The following ANKRD42 variants were observed in gnomAD, a reference collection of about 807,000 sequenced individuals.
ANKRD42 encodes the protein ankyrin repeat domain 42.
Under a neutral mutation model 51.5 loss-of-function variants are expected in ANKRD42, and 43 were observed. The observed-to-expected ratio is 0.83, with a 90% CI of 0.65 to 1.08. The LOEUF (loss-of-function observed/expected upper bound fraction) is 1.08. Among genes scored for constraint, ANKRD42 ranks in the 50% least tolerant of loss-of-function variants. The pLI is 0.00. For synonymous variants in ANKRD42, 203 were observed against 213.0 expected (o/e 0.95, Z 0.41); for missense variants, 608 against 629.3 (o/e 0.97, Z 0.36).
Position 83,242,567 on chromosome 11 carries a change from G to GTTTTTTTTTTGTTTGTTTTTT in ANKRD42, c.1195+1643_1195+1644insGTTTGTTTTTTTTTTTTTTTT, listed in dbSNP as rs770772334. On this transcript the variant is annotated intron_variant, in intron 9 of 10. Transcript: ENST00000533342. Reference sequence around the variant, plus strand: ...GGGGAATTCGGTGAATGGTAGTTAAGTTTTTTTTTTTTTTTTTTAGATGGA... The same window carrying GTTTTTTTTTTGTTTGTTTTTT: ...GGGGAATTCGGTGAATGGTAGTTAAGTTTTTTTTTTGTTTGTTTTTTTTTTTTTTTTTTTTTTTTAGATGGA... Among the ~76,000 whole-genome samples the GTTTTTTTTTTGTTTGTTTTTT allele has an allele frequency of 3.7e-4, 43 of 115,534 alleles. 2 individuals carry two copies. The highest frequency in any genetic ancestry group is 9.3e-4 in the Admixed American group (11 of 11,770). The allele number at this position is 115,534 out of a possible 152,430, so 75.8% of individuals were successfully genotyped here. A position where few individuals can be genotyped will look rare whatever the true frequency, so the allele number is the denominator to read the frequency against.
rs116529281 is a variant in ANKRD42, at chr11:83,213,342, C to T, written c.586+1912C>T. 7,391 of 1,581,388 alleles carry T rather than the reference C, an allele frequency of 4.7e-3. 224 individuals carry two copies. The African/African-American group carries it at 0.073, about 16-fold the overall frequency. On this transcript the variant is annotated intron_variant, in intron 5 of 10. Transcript: ENST00000533342. ...GCAAAGCCATCGTGGAAAGAGCTGC[C>T]CAGCTGTCCATCGGAGTCACACCAA... is the stretch of plus-strand genomic sequence containing the variant.
chr11:83,222,672 G>A (rs1414267679), intron 5 of ANKRD42, among the ~76,000 whole-genome samples: 1 of 152,176 alleles, frequency 6.6e-6, no homozygotes, highest in Non-Finnish European at 1.5e-5. Flanking sequence ...TGCGTGGTGT[G>A]TATGAGTAAT....
chr11:83,263,124 T>A (rs189408346), downstream of ANKRD42, among the ~76,000 whole-genome samples: 5 of 152,268 alleles, frequency 3.3e-5, no homozygotes, highest in African/African-American at 1.2e-4. Flanking sequence ...CACACAAAAT[T>A]TGTGATCCTT....
chr11:83,198,401 C>G (rs1861741554), intron 1 of ANKRD42, 78 bp from the exon 2 acceptor site: 1 of 1,391,528 alleles, frequency 7.2e-7, no homozygotes, highest in Non-Finnish European at 9.7e-7. Context: ...TTTGTGCTTT[C>G]TGTTATATCA....
intron 7 of ANKRD42, 95 bp from the exon 8 acceptor site, chr11:83,236,309 A>T: frequency 1.2e-6 from 1 of 832,380 alleles, no homozygotes; most frequent in South Asian, 1.9e-5. Flanking sequence ...TTAACTAAGT[A>T]CTCTATAATG....
At chr11:83,245,777 A>G (rs190877528) in intron 10 of ANKRD42, among the ~76,000 whole-genome samples, 153 bp downstream of exon 10, 3 of 152,328 alleles carry the variant, frequency 2.0e-5, no homozygotes, top group Admixed American at 2.0e-4. Flanking sequence ...CAAAGGAGTT[A>G]AAATTTTTAA....
rs1862267652 is a variant in ANKRD42 at position 83,210,400 on chromosome 11, T to C, written c.431T>C (p.Ile144Thr). ...CATGGACATTCTTTCACTTTACAAA[T>C]AATGCTCCGAAGTGGAGTGGTGAGT... Reference protein sequence around the residue: ...ATHGHSFTLQIMLRSGVDPSV... With the variant: ...ATHGHSFTLQTMLRSGVDPSV... Residue 144 changes from isoleucine (I) to threonine (T), a missense_variant, in exon 4 of 11, where the codon ATA becomes ACA. Transcript: ENST00000533342. 6.2e-7 allele frequency: 1 copy of C among 1,614,008 alleles called. No individual in the cohort carries two copies. Among genetic ancestry groups the C allele is most frequent in the African/African-American group, 1.3e-5 (1 of 75,066 alleles).
intron 7 of ANKRD42, among the ~76,000 whole-genome samples, chr11:83,229,057 A>G (rs922102288): frequency 6.6e-6 from 1 of 151,484 alleles, no homozygotes; most frequent in African/African-American, 2.4e-5. Context: ...ACATAAATTT[A>G]TTTTCTCAGA....
chr11:83,204,361 T>C (rs1401890989), intron 2 of ANKRD42, among the ~76,000 whole-genome samples: 1 of 152,238 alleles, frequency 6.6e-6, no homozygotes, highest in African/African-American at 2.4e-5. Flanking sequence ...CCTTTTATCC[T>C]AAGTGAATTA....
At chr11:83,201,507 C>G (rs1244764472) in intron 2 of ANKRD42, among the ~76,000 whole-genome samples, 1 of 152,140 alleles carries the variant, frequency 6.6e-6, no homozygotes, top group Non-Finnish European at 1.5e-5. Context: ...TGGGCATATA[C>G]CCAGTAATAT....
intron 5 of ANKRD42, chr11:83,214,347 A>G: frequency 1.2e-6 from 1 of 802,786 alleles, no homozygotes; most frequent in Non-Finnish European, 1.5e-6. Flanking sequence ...TCCTCCTAGA[A>G]CTGACTTTTC....
intron 6 of ANKRD42, among the ~76,000 whole-genome samples, chr11:83,225,439 C>T (rs1322097174): frequency 1.3e-5 from 2 of 151,942 alleles, no homozygotes; most frequent in East Asian, 3.9e-4. Context: ...TGGAGGCATG[C>T]CTGTAATCCC....
intron 6 of ANKRD42, among the ~76,000 whole-genome samples, chr11:83,227,280 G>A (rs760240193): frequency 4.6e-5 from 7 of 151,766 alleles, no homozygotes; most frequent in African/African-American, 1.7e-4. Context: ...ACCTGGCTAA[G>A]TTTTGTATTT....
At chr11:83,237,992 A>G (rs529129) in intron 8 of ANKRD42, among the ~76,000 whole-genome samples, 68,248 of 152,094 alleles carry the variant, frequency 0.45, 15,891 homozygotes, top group African/African-American at 0.58. Flanking sequence ...ATATATATTT[A>G]TGTCTGGCTT....
intron 5 of ANKRD42, among the ~76,000 whole-genome samples, chr11:83,217,173 C>T (rs1308567766): frequency 6.6e-6 from 1 of 152,158 alleles, no homozygotes; most frequent in African/African-American, 2.4e-5. Context: ...ATGGCTGTCA[C>T]AGGGCCTAGA....
intron 5 of ANKRD42, among the ~76,000 whole-genome samples, chr11:83,219,173 T>A (rs1862635724): frequency 6.6e-6 from 1 of 152,138 alleles, no homozygotes; most frequent in Admixed American, 6.5e-5. Context: ...CCCCTAAGGG[T>A]CAGGTCCAGT....
At chr11:83,217,384 A>G (rs1283188079) in intron 5 of ANKRD42, among the ~76,000 whole-genome samples, 3 of 152,242 alleles carry the variant, frequency 2.0e-5, no homozygotes, top group African/African-American at 7.2e-5. Context: ...TTTTGGGCAT[A>G]ACAAGAAAGG....
intron 5 of ANKRD42, chr11:83,212,977 A>G (rs1352948888): frequency 6.3e-7 from 1 of 1,594,170 alleles, no homozygotes; most frequent in East Asian, 2.2e-5. Context: ...CTGCCTACGG[A>G]GGTGGCAGCC....
Position 83,248,126 on chromosome 11 carries a change from G to A in ANKRD42, c.1506G>A (p.Lys502=), listed in dbSNP as rs994637595. The A allele has an allele frequency of 1.3e-6, 2 of 1,545,646 alleles. No homozygotes were observed. The highest frequency in any genetic ancestry group is 8.7e-7 in the Non-Finnish European group (1 of 1,147,010). The part of the protein sequence containing the change: ...VLFNTFIFLK[K]YIQEWPRVQA... ...TTAATACATTTATTTTTCTCAAGAA[G>A]TATATACAAGAGTGGCCAAGAGTAC... The change falls in exon 11 of 11, where the codon AAG becomes AAA. Residue 502 remains lysine (K), a synonymous_variant. Coordinates refer to ENST00000533342, the MANE Select transcript of ANKRD42 (RefSeq NM_001300975.2).
Sources: allele counts gnomAD v4.1 joint callset (sites outside exome capture counted in the v4.1 genomes callset), GRCh38; gene constraint gnomAD v4.1.1; transcripts MANE v1.5; gene names NCBI Gene and HGNC (gene_info 2026-07-23, HGNC 2026-07-21).